PABIR2: variants seen among roughly 807,000 people sequenced by gnomAD.
PABIR2 encodes family with sequence similarity 122B.
In PABIR2, 7 loss-of-function variants were observed where a neutral mutation model predicts 22.8. The observed-to-expected ratio is 0.31, with a 90% CI of 0.17 to 0.58. The LOEUF (loss-of-function observed/expected upper bound fraction) is 0.58, where lower values mean the gene tolerates loss of function less well. Ranked by LOEUF, PABIR2 falls within the 20% of genes least tolerant of loss-of-function variation. The probability of loss-of-function intolerance (pLI) is 0.89; values close to 1 mark genes in which losing one functional copy is unlikely to be tolerated. For missense variants in PABIR2, 155 were observed against 205.1 expected (o/e 0.76, Z 1.49); for synonymous variants, 67 against 73.8 (o/e 0.91, Z 0.47).
rs2147862680 is a variant in PABIR2 at position 134,770,614 on chromosome X, A to G, written c.*1525T>C. 8.9e-6 allele frequency: 1 copy of G among 112,921 alleles called. No individual in the cohort carries two copies. Among genetic ancestry groups the G allele is most frequent in the South Asian group, 3.6e-4 (1 of 2,757 alleles). The allele number at this position is 112,921 out of a possible 1,213,427, so 9.3% of individuals were successfully genotyped here. On this transcript the variant is annotated 3_prime_UTR_variant, in exon 10 of 10. Coordinates refer to ENST00000343004, the MANE Select transcript of PABIR2 (RefSeq NM_001387468.1). ...TAGTTTTCATTTCTTACATTCACTT[A>G]AAAATGGATTATGATTCCAGCAGGC...
At chrX:134,787,736 T>C (rs781106562) in intron 6 of PABIR2, among the ~76,000 whole-genome samples, 1 of 103,316 alleles carries the variant, frequency 9.7e-6, no homozygotes, top group African/African-American at 3.5e-5. Context: ...CTGCCCCACC[T>C]TCTTGATGAG....
chrX:134,788,491 A>T (rs956093704), intron 6 of PABIR2, among the ~76,000 whole-genome samples: 3 of 106,008 alleles, frequency 2.8e-5, no homozygotes, highest in African/African-American at 6.8e-5. Flanking sequence ...TATATATGTA[A>T]TATATACGTT....
chrX:134,795,691 T>C (rs2079752406), intron 1 of PABIR2, among the ~76,000 whole-genome samples: 1 of 112,439 alleles, frequency 8.9e-6, no homozygotes, highest in Non-Finnish European at 1.9e-5. Flanking sequence ...TTGTGATTTA[T>C]TAAAGTAAAC....
rs762249844 is a variant in PABIR2, at chrX:134,779,374, C to G, written c.659+2447G>C. On this transcript the variant is annotated intron_variant, in intron 9 of 9. Transcript: ENST00000343004. ...CCAGGAGGCGGAGGTTGCAGTGAGT[C>G]GAGATTGCACTGCTGCACTCCAGCC... 4.5e-5 allele frequency among the ~76,000 whole-genome samples: 5 copies of G among 111,265 alleles called. No individual in the cohort carries two copies. The South Asian group carries it at 1.5e-3, about 34-fold the overall frequency.
chrX:134,795,726 A>G (rs761110817), intron 1 of PABIR2, among the ~76,000 whole-genome samples: 96 of 112,409 alleles, frequency 8.5e-4, no homozygotes, highest in Middle Eastern at 4.6e-3. Flanking sequence ...GGATTCCTAA[A>G]CTAAGCTTAG....
rs1602967862 is a variant in PABIR2 at position 134,771,770 on chromosome X, G to T, written c.*369C>A. On this transcript the variant is annotated 3_prime_UTR_variant, in exon 10 of 10. Transcript: ENST00000343004. Reference sequence around the variant, plus strand: ...AGCAAGAGAATTTCTGATCAAATCTGTCATATCACTGCTGCGGAAAAGGAC... The same window carrying T: ...AGCAAGAGAATTTCTGATCAAATCTTTCATATCACTGCTGCGGAAAAGGAC... 4 of 810,913 alleles carry T rather than the reference G, an allele frequency of 4.9e-6. No homozygotes were observed. In the East Asian group the frequency reaches 2.8e-4, roughly 56 times the overall value. The allele number at this position is 810,913 out of a possible 1,213,427, so 66.8% of individuals were successfully genotyped here. A position where few individuals can be genotyped will look rare whatever the true frequency, so the allele number is the denominator to read the frequency against.
intron 8 of PABIR2, among the ~76,000 whole-genome samples, chrX:134,784,081 A>G (rs1013724272): frequency 4.3e-5 from 4 of 94,023 alleles, no homozygotes; most frequent in South Asian, 9.1e-4. Context: ...ACCTTGCCTC[A>G]AAAAAAAAAA....
intron 9 of PABIR2, 144 bp from the exon 10 acceptor site, chrX:134,772,427 A>G: frequency 3.8e-6 from 2 of 527,194 alleles, no homozygotes; most frequent in South Asian, 1.2e-4. Flanking sequence ...TGAACTACAT[A>G]ATATACTACA....
Position 134,781,811 on chromosome X carries a change from A to T in PABIR2, c.659+10T>A. ...TCTAATATACTTTTCATTTTATTTC[A>T]TTTTTTTACCATGAACTGAGATCAG... On this transcript the variant is annotated intron_variant, in intron 9 of 9. Transcript: ENST00000343004. The T allele has an allele frequency of 8.6e-7, 1 of 1,163,343 alleles. No homozygotes were observed. Among genetic ancestry groups the T allele is most frequent in the Non-Finnish European group, 1.2e-6 (1 of 864,795 alleles).
Position 134,772,179 on chromosome X carries a change from C to T in PABIR2, c.764G>A (p.Cys255Tyr). 6.6e-6 allele frequency: 8 copies of T among 1,204,829 alleles called. No homozygotes were observed. The highest frequency in any genetic ancestry group is 9.0e-6 in the Non-Finnish European group (8 of 891,019). ...AESPVACSNSCSSFILMDDLS... is the reference protein window; with the variant it reads ...AESPVACSNSYSSFILMDDLS... ...ATCATCCATCAAGATGAACGAAGAG[C>T]ATGAATTGGAGCATGCTACTGGAGA... Residue 255 changes from cysteine (C) to tyrosine (Y), a missense_variant, in exon 10 of 10, where the codon TGC (cysteine) becomes TAC (tyrosine). By Grantham distance (194) the Cys-to-Tyr change is radical. Coordinates refer to ENST00000343004, the MANE Select transcript of PABIR2 (RefSeq NM_001387468.1).
intron 2 of PABIR2, among the ~76,000 whole-genome samples, chrX:134,793,316 G>A (rs1003490647): frequency 4.5e-5 from 5 of 111,937 alleles, no homozygotes; most frequent in Admixed American, 1.9e-4. Context: ...CTCCCAATGC[G>A]ACCAACTAAT....
At chrX:134,788,925 G>A (rs1476229538) in intron 5 of PABIR2, 94 bp from the exon 6 acceptor site, 1 of 997,427 alleles carries the variant, frequency 1.0e-6, no homozygotes, top group Non-Finnish European at 1.4e-6. Context: ...CAAGGAGAAA[G>A]GTATAGACTC....
Position 134,783,078 on chromosome X carries a change from GTAA to G in PABIR2, c.563-1164_563-1162del, listed in dbSNP as rs1370415382. Among the ~76,000 whole-genome samples the G allele has an allele frequency of 1.5e-4, 17 of 111,952 alleles. No homozygotes were observed. The East Asian group carries it at 4.4e-3, about 29-fold the overall frequency. On this transcript the variant is annotated intron_variant, in intron 8 of 9. Coordinates refer to ENST00000343004, the MANE Select transcript of PABIR2 (RefSeq NM_001387468.1). The stretch of plus-strand genomic sequence containing the variant: ...ACTTCCTGCAACAAATTTTAAGTTA[GTAA>G]TAATAACAACAATAATAGCTTTATT...
Position 134,771,328 on chromosome X carries a change from G to A in PABIR2, c.*811C>T. On this transcript the variant is annotated 3_prime_UTR_variant, in exon 10 of 10. Coordinates refer to ENST00000343004, the MANE Select transcript of PABIR2 (RefSeq NM_001387468.1). ...ATGCTCCACACATCTGGTCAAGGCA[G>A]GAATTTCTTCTCCTTGATAACACCA... is the stretch of plus-strand genomic sequence containing the variant. 1 of 1,152,681 alleles carries A rather than the reference G, an allele frequency of 8.7e-7. No individual in the cohort carries two copies. Among genetic ancestry groups the A allele is most frequent in the Non-Finnish European group, 1.1e-6 (1 of 870,806 alleles). The allele number at this position is 1,152,681 out of a possible 1,213,427, so 95.0% of individuals were successfully genotyped here.
At position 134,780,317 on chromosome X, in the gene PABIR2, T is replaced by C. The variant is rs1178800520; in HGVS notation, c.659+1504A>G. Among the ~76,000 whole-genome samples the C allele has an allele frequency of 2.7e-5, 3 of 112,540 alleles. No homozygotes were observed. The Admixed American group carries it at 2.8e-4, about 11-fold the overall frequency. On this transcript the variant is annotated intron_variant, in intron 9 of 9. Transcript: ENST00000343004. ...CAGGCCGGGCACAGTGGCTCACGCC[T>C]GTAATCCCAGCACTTTGGGAGGCCG...
At chrX:134,794,676 T>C (rs2079666641) in intron 1 of PABIR2, among the ~76,000 whole-genome samples, 1 of 112,140 alleles carries the variant, frequency 8.9e-6, no homozygotes, top group South Asian at 3.7e-4. Context: ...TTGTTAATCT[T>C]TGTATAATAT....
At chrX:134,793,769 A>G in intron 2 of PABIR2, 46 bp downstream of exon 2, 2 of 1,128,169 alleles carry the variant, frequency 1.8e-6, no homozygotes, top group Non-Finnish European at 2.4e-6. Flanking sequence ...ATTTCAAAGT[A>G]TTTTCCCCAA....
In PABIR2 at chrX:134,796,309, C is replaced by T; in HGVS notation, c.-104G>A. On this transcript the variant is annotated 5_prime_UTR_variant, in exon 1 of 10. Transcript: ENST00000343004. ...GGACTGAGCTGCTGGGGACTGGCAG[C>T]TGGGGGCGGGGGCTAAGGGGCGGAG... 1 of 107,882 alleles carries T rather than the reference C, an allele frequency of 9.3e-6. No individual in the cohort carries two copies. The highest frequency in any genetic ancestry group is 6.2e-4 in the East Asian group (1 of 1,621). The allele number at this position is 107,882 out of a possible 1,213,427, so 8.9% of individuals were successfully genotyped here.
chrX:134,793,048 CT>C (rs1275758158), intron 2 of PABIR2, among the ~76,000 whole-genome samples: 1 of 112,068 alleles, frequency 8.9e-6, no homozygotes, highest in Non-Finnish European at 1.9e-5. Flanking sequence ...CAAAATGCAT[CT>C]CTTCTAATTT....
Sources: allele counts gnomAD v4.1 joint callset (sites outside exome capture counted in the v4.1 genomes callset), GRCh38; gene constraint gnomAD v4.1.1; transcripts MANE v1.5; gene names NCBI Gene and HGNC (gene_info 2026-07-23, HGNC 2026-07-21).